BANK1: variants seen among roughly 807,000 people sequenced by gnomAD.
BANK1 encodes B-cell scaffold protein with ankyrin repeats.
A neutral mutation model predicts 94.5 loss-of-function variants in BANK1; 95 were observed. That is an observed-to-expected ratio of 1.00 (90% CI 0.85 to 1.19). The LOEUF (loss-of-function observed/expected upper bound fraction) is 1.19. Ranked by LOEUF, BANK1 falls within the 50% of genes most tolerant of loss-of-function variation. The pLI is 0.00. For synonymous variants in BANK1, 334 were observed against 308.4 expected (o/e 1.08, Z -0.87); for missense variants, 987 against 932.2 (o/e 1.06, Z -0.77).
At chr4:101,975,982 A>G (rs1289188846) in intron 7 of BANK1, among the ~76,000 whole-genome samples, 2 of 152,108 alleles carry the variant, frequency 1.3e-5, no homozygotes, top group Non-Finnish European at 2.9e-5. Context: ...TTTCTCAAAG[A>G]CCTTTTCCTA....
chr4:101,840,486 G>A (rs1257496341), intron 2 of BANK1, among the ~76,000 whole-genome samples: 3 of 152,144 alleles, frequency 2.0e-5, no homozygotes, highest in Non-Finnish European at 2.9e-5. Flanking sequence ...GCTGAAGGTT[G>A]TGTGTTTACC....
intron 1 of BANK1, among the ~76,000 whole-genome samples, chr4:101,793,223 T>G (rs1725055731): frequency 6.6e-6 from 1 of 152,234 alleles, no homozygotes; most frequent in Non-Finnish European, 1.5e-5. Flanking sequence ...ATGGTTTGTC[T>G]AGGTCTCTGC....
chr4:102,001,458 G>A (rs1483694660), intron 7 of BANK1, among the ~76,000 whole-genome samples: 1 of 152,110 alleles, frequency 6.6e-6, no homozygotes. Context: ...AAATTAGCTG[G>A]GCATGGTGGC....
At chr4:101,880,011 TTTCTC>T (rs748106188) in intron 5 of BANK1, among the ~76,000 whole-genome samples, 1 of 152,078 alleles carries the variant, frequency 6.6e-6, no homozygotes, top group Non-Finnish European at 1.5e-5. Flanking sequence ...CTCAAATACT[TTTCTC>T]TAAGATCTGG....
chr4:101,884,094 C>T (rs1728766488), intron 5 of BANK1, among the ~76,000 whole-genome samples: 1 of 152,084 alleles, frequency 6.6e-6, no homozygotes, highest in African/African-American at 2.4e-5. Flanking sequence ...TACAGTAAAC[C>T]AAATCATGAC....
At chr4:101,794,644 CCCAG>C (rs1229293099) in intron 1 of BANK1, among the ~76,000 whole-genome samples, 2 of 151,980 alleles carry the variant, frequency 1.3e-5, no homozygotes, top group Non-Finnish European at 2.9e-5. Flanking sequence ...TTGAAATAGT[CCCAG>C]TGGTGGAAAT....
At chr4:101,807,984 G>A (rs1361143516) in intron 1 of BANK1, among the ~76,000 whole-genome samples, 5 of 151,490 alleles carry the variant, frequency 3.3e-5, no homozygotes. Context: ...ACTCGGGAGA[G>A]TGAGGCAGGA....
chr4:101,951,179 G>T (rs1358257490), intron 7 of BANK1, among the ~76,000 whole-genome samples: 2 of 152,056 alleles, frequency 1.3e-5, no homozygotes, highest in Non-Finnish European at 2.9e-5. Context: ...TGCTAATAAT[G>T]GGGGAAACTG....
chr4:102,030,186 T>C lies in BANK1; in HGVS notation c.1821T>C (p.Ile607=), dbSNP rs1321993294. The change falls in exon 10 of 17, where the codon ATT becomes ATC. Residue 607 remains isoleucine, a synonymous_variant. Coordinates refer to ENST00000322953, the MANE Select transcript of BANK1 (RefSeq NM_017935.5). ...AAAAAACTGGGAGTCGGTCTTTCATTATAAATAGACCTCCTGCCCCCACAC... is the reference window on the plus strand; with the variant it reads ...AAAAAACTGGGAGTCGGTCTTTCATCATAAATAGACCTCCTGCCCCCACAC... The part of the protein sequence containing the change: ...IKKKTGSRSF[I]INRPPAPTPR... 6 of 1,614,048 alleles carry C rather than the reference T, an allele frequency of 3.7e-6. No homozygotes were observed. The highest frequency in any genetic ancestry group is 5.1e-6 in the Non-Finnish European group (6 of 1,179,960).
intron 10 of BANK1, among the ~76,000 whole-genome samples, chr4:102,032,602 G>A (rs1727357435): frequency 6.6e-6 from 1 of 152,042 alleles, no homozygotes; most frequent in African/African-American, 2.4e-5. Context: ...TGAAGCACCG[G>A]CCGGGCATGG....
intron 8 of BANK1, 152 bp from the exon 9 acceptor site, chr4:102,025,049 T>G (rs1197960409): frequency 1.3e-6 from 1 of 799,216 alleles, no homozygotes; most frequent in Non-Finnish European, 2.0e-6. Flanking sequence ...TAAATGACTG[T>G]TCACTAAAAG....
At chr4:101,837,211 G>A (rs1377745094) in intron 2 of BANK1, among the ~76,000 whole-genome samples, 2 of 152,174 alleles carry the variant, frequency 1.3e-5, no homozygotes, top group African/African-American at 4.8e-5. Context: ...ATCAGTAAAT[G>A]TGTAATGATA....
intron 7 of BANK1, among the ~76,000 whole-genome samples, chr4:101,948,739 A>G (rs965477188): frequency 1.3e-5 from 2 of 152,114 alleles, no homozygotes; most frequent in Non-Finnish European, 2.9e-5. Flanking sequence ...TGGGTATGCT[A>G]CTAATGTGTA....
chr4:101,865,890 A>G (rs183433096), intron 4 of BANK1, among the ~76,000 whole-genome samples: 29 of 152,302 alleles, frequency 1.9e-4, no homozygotes, highest in African/African-American at 7.0e-4. Context: ...AGAAACAAGA[A>G]TGCTAGAGGA....
chr4:101,929,507 CT>C (rs1277435112), intron 7 of BANK1, among the ~76,000 whole-genome samples: 2 of 151,532 alleles, frequency 1.3e-5, no homozygotes, highest in Non-Finnish European at 3.0e-5. Context: ...GAATTTTTCT[CT>C]CTTTTCTACT....
chr4:101,959,430 G>A (rs575138921), intron 7 of BANK1, among the ~76,000 whole-genome samples: 97 of 152,260 alleles, frequency 6.4e-4, no homozygotes, highest in African/African-American at 2.2e-3. Flanking sequence ...GAGCCACCAT[G>A]CCTGGCCCTA....
At chr4:101,888,222 T>A (rs1728925313) in intron 5 of BANK1, among the ~76,000 whole-genome samples, 1 of 152,246 alleles carries the variant, frequency 6.6e-6, no homozygotes. Flanking sequence ...CCTCCATTTA[T>A]GGAAGCTAGA....
intron 7 of BANK1, among the ~76,000 whole-genome samples, chr4:101,995,720 T>G (rs1351698744): frequency 6.6e-6 from 1 of 152,174 alleles, no homozygotes. Flanking sequence ...TTTTCATATG[T>G]TTTTTGGCCA....
intron 7 of BANK1, among the ~76,000 whole-genome samples, chr4:101,920,045 G>C (rs1003864569): frequency 6.6e-6 from 1 of 151,860 alleles, no homozygotes; most frequent in African/African-American, 2.4e-5. Context: ...CTGAGTGAAG[G>C]TATGCTAGAT....
Sources: allele counts gnomAD v4.1 joint callset (sites outside exome capture counted in the v4.1 genomes callset), GRCh38; gene constraint gnomAD v4.1.1; transcripts MANE v1.5; gene names NCBI Gene and HGNC (gene_info 2026-07-23, HGNC 2026-07-21).